Variants in BICD1 observed in about 807,000 individuals in gnomAD.
BICD1 encodes the protein BICD cargo adaptor 1, also known as protein bicaudal D homolog 1.
A neutral mutation model predicts 92.5 loss-of-function variants in BICD1; 35 were observed. That is an observed-to-expected ratio of 0.38 (90% confidence interval 0.29 to 0.50). BICD1 has a LOEUF of 0.50. Ranked by LOEUF, BICD1 falls within the 20% of genes least tolerant of loss-of-function variation. The probability of loss-of-function intolerance (pLI) is 0.93; values close to 1 mark genes in which losing one functional copy is unlikely to be tolerated. For missense variants in BICD1, 950 were observed against 1,189.8 expected, an observed-to-expected ratio of 0.80 and a Z score of 2.97; for synonymous variants, 429 against 465.1, an observed-to-expected ratio of 0.92 and a Z score of 1.00.
intron 2 of BICD1, among the ~76,000 whole-genome samples, chr12:32,284,399 C>A (rs1151045): frequency 0.67 from 102,389 of 152,012 alleles, 34,685 homozygotes; most frequent in Middle Eastern, 0.78. Context: ...TTCTTTTTCT[C>A]TAACAACTCT....
chr12:32,327,121 C>T (rs565418370), intron 4 of BICD1, among the ~76,000 whole-genome samples: 2 of 152,138 alleles, frequency 1.3e-5, no homozygotes, highest in South Asian at 2.1e-4. Flanking sequence ...AAAATAACAC[C>T]AGTCCTATGC....
At chr12:32,312,671 A>C (rs760030172) in intron 4 of BICD1, among the ~76,000 whole-genome samples, 38 of 152,192 alleles carry the variant, frequency 2.5e-4, no homozygotes, top group Admixed American at 3.9e-4. Context: ...AAATACAGGA[A>C]TATTTTAAAC....
intron 2 of BICD1, among the ~76,000 whole-genome samples, chr12:32,253,154 A>G (rs1208230318): frequency 6.6e-6 from 1 of 152,144 alleles, no homozygotes; most frequent in Non-Finnish European, 1.5e-5. Flanking sequence ...AAGTGTTGGG[A>G]TTACAGGTGT....
chr12:32,334,991 A>C (rs1938041933), intron 6 of BICD1, among the ~76,000 whole-genome samples: 1 of 152,166 alleles, frequency 6.6e-6, no homozygotes, highest in Non-Finnish European at 1.5e-5. Flanking sequence ...TCAATAAGGA[A>C]AAAAACCCCA....
chr12:32,324,549 G>C (rs1164116739), intron 4 of BICD1, among the ~76,000 whole-genome samples: 1 of 147,626 alleles, frequency 6.8e-6, no homozygotes, highest in Non-Finnish European at 1.5e-5. Context: ...CATCCTTTTT[G>C]CAACTACTGT....
chr12:32,267,557 G>C (rs1947031914), intron 2 of BICD1, among the ~76,000 whole-genome samples: 1 of 152,148 alleles, frequency 6.6e-6, no homozygotes, highest in Non-Finnish European at 1.5e-5. Context: ...TATTGTAAAT[G>C]ATGTTTGAAT....
Position 32,378,393 on chromosome 12 carries a change from TTTATTGAC to T in BICD1, c.*772_*779del, listed in dbSNP as rs1472944996. On this transcript the variant is annotated 3_prime_UTR_variant, in exon 10 of 10. Coordinates refer to ENST00000652176, the MANE Select transcript of BICD1 (RefSeq NM_001714.4). ...ATCTAAGAAAGAGACTAAGTTATGA[TTTATTGAC>T]TTATTCAAGTTTTGATGGCATCTTT... 1 of 152,256 alleles carries T rather than the reference TTTATTGAC, an allele frequency of 6.6e-6. No homozygotes were observed. Among genetic ancestry groups the T allele is most frequent in the East Asian group, 1.9e-4 (1 of 5,206 alleles). 9.4% of individuals were successfully genotyped at this position (152,256 alleles called of 1,614,324 possible). A position where few individuals can be genotyped will look rare whatever the true frequency, so the allele number is the denominator to read the frequency against.
At chr12:32,271,942 A>G (rs541876180) in intron 2 of BICD1, among the ~76,000 whole-genome samples, 3 of 152,158 alleles carry the variant, frequency 2.0e-5, no homozygotes, top group Non-Finnish European at 4.4e-5. Context: ...GTCAAAACCT[A>G]CATCTCTCAT....
At chr12:32,322,320 C>A (rs1345033823) in intron 4 of BICD1, among the ~76,000 whole-genome samples, 2 of 152,136 alleles carry the variant, frequency 1.3e-5, no homozygotes, top group Non-Finnish European at 2.9e-5. Flanking sequence ...GAAAGTAGTA[C>A]TGTATAGCAG....
At chr12:32,290,832 G>A (rs1947706640) in intron 2 of BICD1, among the ~76,000 whole-genome samples, 1 of 152,136 alleles carries the variant, frequency 6.6e-6, no homozygotes, top group Admixed American at 6.5e-5. Flanking sequence ...TGCTCTTGCT[G>A]TTTCAGAGTT....
chr12:32,260,321 T>A (rs1946825760), intron 2 of BICD1, among the ~76,000 whole-genome samples: 1 of 152,238 alleles, frequency 6.6e-6, no homozygotes, highest in Non-Finnish European at 1.5e-5. Flanking sequence ...TTGGAAATCC[T>A]AAGCTATAGC....
rs748044597 is a variant in BICD1, at chr12:32,337,909, G to A, written c.2570+93G>A. The A allele has an allele frequency of 2.1e-6, 3 of 1,446,254 alleles. No homozygotes were observed. Among genetic ancestry groups the A allele is most frequent in the Non-Finnish European group, 2.9e-6 (3 of 1,046,856 alleles). The allele number at this position is 1,446,254 out of a possible 1,614,324, so 89.6% of individuals were successfully genotyped here. The stretch of plus-strand genomic sequence containing the variant: ...TGCTCTTGTTGTGGAGGATGGAGGA[G>A]GGGAAGCAAAAGAAAAAATGGGAGC... On this transcript the variant is annotated intron_variant, in intron 7 of 9. Coordinates refer to ENST00000652176, the MANE Select transcript of BICD1 (RefSeq NM_001714.4). The surrounding 1 kb of genome is among the most constrained non-coding windows in gnomAD (Gnocchi z 4.7).
At chr12:32,338,091 G>A in intron 7 of BICD1, 1 of 358,516 alleles carries the variant, frequency 2.8e-6, no homozygotes, top group Non-Finnish European at 5.2e-6. Flanking sequence ...GCTACTCTTT[G>A]TATGTGTAAA....
At chr12:32,292,865 G>A (rs1947760616) in intron 2 of BICD1, among the ~76,000 whole-genome samples, 2 of 152,124 alleles carry the variant, frequency 1.3e-5, no homozygotes, top group South Asian at 2.1e-4. Context: ...ATGTATAAAT[G>A]TTTATATCTG....
intron 1 of BICD1, among the ~76,000 whole-genome samples, chr12:32,171,196 T>C (rs1340536287): frequency 6.6e-6 from 1 of 152,180 alleles, no homozygotes; most frequent in East Asian, 1.9e-4. Context: ...CTATGAAATG[T>C]GAACAGAGGC....
chr12:32,284,130 A>G lies in BICD1; in HGVS notation c.427-9864A>G, dbSNP rs1947494894. On this transcript the variant is annotated intron_variant, in intron 2 of 9. Transcript: ENST00000652176. ...GTCCACTCCTGTCTGCAACAAAAGA[A>G]GAGTTCATTTTTGGCCAAATGAATG... Among the ~76,000 whole-genome samples the G allele has an allele frequency of 2.0e-5, 3 of 152,348 alleles. No individual in the cohort carries two copies. In the South Asian group the frequency reaches 6.2e-4, roughly 32 times the overall value.
chr12:32,375,815 ATAAAAATTATTTAATACTAAT>A (rs1432911882), intron 9 of BICD1, among the ~76,000 whole-genome samples: 1 of 152,212 alleles, frequency 6.6e-6, no homozygotes, highest in Non-Finnish European at 1.5e-5. Context: ...AGTACCAAAG[ATAAAAATTATTTAATACTAAT>A]TTTAATGACT....
chr12:32,332,752 G>T (rs932102979), intron 5 of BICD1: 2 of 630,846 alleles, frequency 3.2e-6, no homozygotes, highest in South Asian at 7.1e-5. Flanking sequence ...TTTTCCAGAG[G>T]AGGAGGAAGT....
At chr12:32,243,285 TG>T (rs1398310627) in intron 2 of BICD1, among the ~76,000 whole-genome samples, 64 of 134,694 alleles carry the variant, frequency 4.8e-4, no homozygotes, top group Middle Eastern at 3.6e-3. Context: ...TTTTTTTTTT[TG>T]TATTTTTGGT....
Sources: gnomAD v4.1 joint callset for allele counts (sites outside exome capture counted in the v4.1 genomes callset) on GRCh38, gnomAD v4.1.1 for gene constraint, Gnocchi (gnomAD v3.1) non-coding constraint, MANE v1.5 for transcripts, NCBI Gene and HGNC (gene_info 2026-07-23, HGNC 2026-07-21) for gene names.